Variants in CLDN10 observed in about 807,000 individuals in gnomAD.
CLDN10 encodes the protein claudin-10.
CLDN10 carries 15 observed loss-of-function variants against 22.9 expected under a neutral mutation model. The ratio of observed to expected loss-of-function variants is 0.65; its 90% CI spans 0.44 to 1.01. The LOEUF is 1.01. Ranked by LOEUF, CLDN10 falls within the 50% of genes least tolerant of loss-of-function variation. The probability of loss-of-function intolerance (pLI) is 0.00; values close to 1 mark genes in which losing one functional copy is unlikely to be tolerated. For missense variants in CLDN10, 247 were observed against 287.8 expected, an observed-to-expected ratio of 0.86 and a Z score of 1.03; for synonymous variants, 114 against 111.4, an observed-to-expected ratio of 1.02 and a Z score of -0.15.
intron 1 of CLDN10, among the ~76,000 whole-genome samples, chr13:95,476,570 G>C (rs1311735099): frequency 6.6e-6 from 1 of 152,170 alleles, no homozygotes; most frequent in East Asian, 1.9e-4. Context: ...ATTTTGGAGG[G>C]ACACAGATAT....
chr13:95,499,141 G>A (rs892360807), intron 1 of CLDN10, among the ~76,000 whole-genome samples: 5 of 152,202 alleles, frequency 3.3e-5, no homozygotes, highest in African/African-American at 9.7e-5. Context: ...CCAGGAATAC[G>A]TTTTAAGAAG....
intron 1 of CLDN10, among the ~76,000 whole-genome samples, chr13:95,437,287 G>A (rs184148628): frequency 4.5e-4 from 68 of 152,286 alleles, no homozygotes; most frequent in African/African-American, 1.5e-3. Flanking sequence ...GAAATAAACC[G>A]TAGGAACACC....
At chr13:95,563,093 C>CCCCT (rs1319576476) in intron 3 of CLDN10, among the ~76,000 whole-genome samples, 1 of 74,404 alleles carries the variant, frequency 1.3e-5, no homozygotes, top group Non-Finnish European at 3.4e-5. Flanking sequence ...CTCTGCCTAC[C>CCCCT]CACTCTCTCT....
intron 1 of CLDN10, among the ~76,000 whole-genome samples, chr13:95,544,284 A>C (rs1400734761): frequency 6.6e-6 from 1 of 152,190 alleles, no homozygotes; most frequent in Non-Finnish European, 1.5e-5. Flanking sequence ...TGGCTGCTTT[A>C]TTTAGCATGT....
intron 1 of CLDN10, among the ~76,000 whole-genome samples, chr13:95,527,467 C>T (rs866945275): frequency 3.4e-4 from 51 of 152,216 alleles, no homozygotes; most frequent in South Asian, 1.7e-3. Context: ...CAGTGGCTCA[C>T]GCCTGTAATC....
chr13:95,500,098 AC>A (rs1468617379), intron 1 of CLDN10, among the ~76,000 whole-genome samples: 1 of 152,194 alleles, frequency 6.6e-6, no homozygotes, highest in Non-Finnish European at 1.5e-5. Context: ...GTCTGCAAAT[AC>A]TTACTGACTG....
At chr13:95,553,033 C>T (rs2043587199) in intron 1 of CLDN10, 60 bp downstream of exon 1, 1 of 1,582,632 alleles carries the variant, frequency 6.3e-7, no homozygotes, top group Non-Finnish European at 8.6e-7. Flanking sequence ...GCCCGCTAGG[C>T]GCCCTCTCGC....
intron 1 of CLDN10, among the ~76,000 whole-genome samples, chr13:95,540,735 C>T (rs2043451843): frequency 6.6e-6 from 1 of 152,170 alleles, no homozygotes. Flanking sequence ...GCCTGTTAGT[C>T]TAACTTAATA....
At chr13:95,513,132 T>C (rs9516593) in intron 1 of CLDN10, among the ~76,000 whole-genome samples, 146,458 of 152,302 alleles carry the variant, frequency 0.96, 70,673 homozygotes, top group Non-Finnish European at 1. Context: ...CTCCCACTTC[T>C]GCCTCACAAA....
rs1308373267 is a variant in CLDN10, at chr13:95,578,602, T to C, written c.*588T>C. 6.6e-6 allele frequency: 1 copy of C among 152,244 alleles called. No homozygotes were observed. Among genetic ancestry groups the C allele is most frequent in the African/African-American group, 2.4e-5 (1 of 41,440 alleles). The allele number at this position is 152,244 out of a possible 1,614,324, so 9.4% of individuals were successfully genotyped here. A position where few individuals can be genotyped will look rare whatever the true frequency, so the allele number is the denominator to read the frequency against. ...TTAACTTCTACAGGATCAGAGAGGA[T>C]CTTGCTCATTCATGGCCATATCCAC... On this transcript the variant is annotated 3_prime_UTR_variant, in exon 5 of 5. Coordinates refer to ENST00000299339, the MANE Select transcript of CLDN10 (RefSeq NM_006984.5).
chr13:95,434,457 CTA>C (rs66521052), intron 1 of CLDN10, among the ~76,000 whole-genome samples: 22,848 of 131,206 alleles, frequency 0.17, 1,828 homozygotes, highest in Middle Eastern at 0.21. Context: ...CTCTCTCTCT[CTA>C]TATATATATA....
At chr13:95,500,116 A>C (rs1241219653) in intron 1 of CLDN10, among the ~76,000 whole-genome samples, 1 of 152,176 alleles carries the variant, frequency 6.6e-6, no homozygotes, top group East Asian at 1.9e-4. Flanking sequence ...ACTGCCTGCT[A>C]TGTGCCAGGC....
chr13:95,504,020 AAAG>A (rs2043012237), intron 1 of CLDN10, among the ~76,000 whole-genome samples: 1 of 152,266 alleles, frequency 6.6e-6, no homozygotes, highest in African/African-American at 2.4e-5. Flanking sequence ...ATTGAAATGA[AAAG>A]GAGTAGTCAT....
intron 1 of CLDN10, among the ~76,000 whole-genome samples, chr13:95,495,586 T>C (rs2042920142): frequency 6.6e-6 from 1 of 150,498 alleles, no homozygotes; most frequent in African/African-American, 2.4e-5. Context: ...CTACTAAAAA[T>C]ATAAAAATTT....
chr13:95,481,625 G>A (rs558727404), intron 1 of CLDN10, among the ~76,000 whole-genome samples: 3 of 152,290 alleles, frequency 2.0e-5, no homozygotes, highest in South Asian at 2.1e-4. Flanking sequence ...GCATGGCTGT[G>A]TTCCAGGAAA....
intron 1 of CLDN10, among the ~76,000 whole-genome samples, chr13:95,481,124 A>C (rs2042742802): frequency 1.3e-5 from 2 of 152,196 alleles, no homozygotes; most frequent in Non-Finnish European, 2.9e-5. Flanking sequence ...CCAGAGAGGA[A>C]GCTGGCATTG....
intron 1 of CLDN10, among the ~76,000 whole-genome samples, chr13:95,494,208 G>A (rs576912546): frequency 1.3e-5 from 2 of 152,224 alleles, no homozygotes; most frequent in South Asian, 2.1e-4. Context: ...AATTTGTCCT[G>A]ACAACCTTCC....
At chr13:95,440,737 A>G (rs1163778196) in intron 1 of CLDN10, among the ~76,000 whole-genome samples, 3 of 152,250 alleles carry the variant, frequency 2.0e-5, no homozygotes. Flanking sequence ...GTCATAACCC[A>G]AGGTAGGTGA....
At chr13:95,553,338 C>T (rs1203064558) in intron 1 of CLDN10, among the ~76,000 whole-genome samples, 1 of 152,178 alleles carries the variant, frequency 6.6e-6, no homozygotes. Flanking sequence ...AGAGTTCATG[C>T]TGCAGGGGCT....
Sources: gnomAD v4.1 joint callset for allele counts (sites outside exome capture counted in the v4.1 genomes callset) on GRCh38, gnomAD v4.1.1 for gene constraint, MANE v1.5 for transcripts, NCBI Gene and HGNC (gene_info 2026-07-23, HGNC 2026-07-21) for gene names.